PTBP2: variants seen among roughly 807,000 people sequenced by gnomAD.
PTBP2 encodes the protein polypyrimidine tract binding protein 2, also known as polypyrimidine tract-binding protein 2.
Under a neutral mutation model 61.4 loss-of-function variants are expected in PTBP2, and 13 were observed. That is an observed-to-expected ratio of 0.21 (90% CI 0.14 to 0.34). The LOEUF is 0.34. Among genes scored for constraint, PTBP2 ranks in the 10% least tolerant of loss-of-function variants. PTBP2 has a pLI of 1.00. For missense variants in PTBP2, 405 were observed against 642.6 expected (o/e 0.63, Z 4.00); for synonymous variants, 215 against 218.5 (o/e 0.98, Z 0.14).
chr1:96,771,102 G>A lies in PTBP2; in HGVS notation c.432+251G>A, dbSNP rs1267354670. 8 of 295,416 alleles carry A rather than the reference G, an allele frequency of 2.7e-5. No individual in the cohort carries two copies. In the Admixed American group the frequency reaches 3.9e-4, roughly 15 times the overall value. The allele number at this position is 295,416 out of a possible 1,614,324, so 18.3% of individuals were successfully genotyped here. On this transcript the variant is annotated intron_variant, in intron 5 of 13. Coordinates refer to ENST00000674951, the MANE Select transcript of PTBP2 (RefSeq NM_021190.4). ...TTTTGTGTAGAAACTTATCAGGTAG[G>A]ATTTATTATTAGCATAAACTGTTTA...
intron 1 of PTBP2, among the ~76,000 whole-genome samples, chr1:96,722,379 G>A (rs1023677794): frequency 2.0e-4 from 30 of 151,970 alleles, no homozygotes; most frequent in African/African-American, 6.8e-4. Context: ...CCGGCCCTCC[G>A]TGGTCGGGAG....
intron 2 of PTBP2, among the ~76,000 whole-genome samples, chr1:96,726,074 C>CAAAAAAAAAAAA (rs762152365): frequency 2.4e-4 from 13 of 54,216 alleles, no homozygotes; most frequent in Admixed American, 5.6e-4. Flanking sequence ...GACTCTATCT[C>CAAAAAAAAAAAA]AAAAAAAAAA....
At chr1:96,748,475 G>A (rs1654131527) in intron 2 of PTBP2, among the ~76,000 whole-genome samples, 1 of 152,004 alleles carries the variant, frequency 6.6e-6, no homozygotes, top group Non-Finnish European at 1.5e-5. Flanking sequence ...CGTGTAGAGT[G>A]TATCTTCCTA....
chr1:96,763,588 C>T (rs984976958), intron 3 of PTBP2, among the ~76,000 whole-genome samples: 129 of 40,436 alleles, frequency 3.2e-3, no homozygotes, highest in Non-Finnish European at 4.2e-3. Context: ...GAGAGGGAGA[C>T]CGTGGGGAGA....
intron 2 of PTBP2, among the ~76,000 whole-genome samples, chr1:96,750,512 T>C (rs1570782465): frequency 6.6e-6 from 1 of 152,068 alleles, no homozygotes; most frequent in Non-Finnish European, 1.5e-5. Flanking sequence ...AGTTTATTCA[T>C]TATGAGTTTA....
intron 3 of PTBP2, 141 bp downstream of exon 3, chr1:96,751,641 T>C (rs771502159): frequency 5.2e-6 from 3 of 582,336 alleles, no homozygotes; most frequent in Non-Finnish European, 9.0e-6. Context: ...TTTACTAAAG[T>C]ATATATGAGC....
At chr1:96,752,796 A>G (rs1654723481) in intron 3 of PTBP2, among the ~76,000 whole-genome samples, 1 of 152,160 alleles carries the variant, frequency 6.6e-6, no homozygotes, top group Non-Finnish European at 1.5e-5. Flanking sequence ...CCAAAACCAA[A>G]AAGTATGTAA....
intron 11 of PTBP2, among the ~76,000 whole-genome samples, chr1:96,807,628 G>A (rs1030054802): frequency 6.6e-6 from 1 of 152,196 alleles, no homozygotes; most frequent in African/African-American, 2.4e-5. Context: ...GCCTCAGACT[G>A]ATTGTATTCA....
rs1375417426 is a variant in PTBP2 at position 96,721,821 on chromosome 1, T to C, written c.-44T>C. On this transcript the variant is annotated 5_prime_UTR_variant, in exon 1 of 14. Transcript: ENST00000674951. Reference sequence around the variant, plus strand: ...CTCGCCGCTTGTGTGGCTCGCTGGCTGCGTGGCTCGGTTCTTGTGAGCGAA... The same window carrying C: ...CTCGCCGCTTGTGTGGCTCGCTGGCCGCGTGGCTCGGTTCTTGTGAGCGAA... 6.4e-7 allele frequency: 1 copy of C among 1,554,982 alleles called. No homozygotes were observed. Among genetic ancestry groups the C allele is most frequent in the Non-Finnish European group, 8.7e-7 (1 of 1,148,924 alleles).
intron 5 of PTBP2, among the ~76,000 whole-genome samples, chr1:96,774,161 G>A (rs1437574313): frequency 6.6e-6 from 1 of 151,744 alleles, no homozygotes; most frequent in African/African-American, 2.4e-5. Context: ...CTTTAAGGGA[G>A]ATTTGTTGTT....
At chr1:96,789,316 A>G (rs1659541034) in intron 8 of PTBP2, among the ~76,000 whole-genome samples, 1 of 152,086 alleles carries the variant, frequency 6.6e-6, no homozygotes, top group Non-Finnish European at 1.5e-5. Context: ...AACAGATACA[A>G]CATTTATTCA....
At chr1:96,735,875 G>T (rs1570722655) in intron 2 of PTBP2, among the ~76,000 whole-genome samples, 1 of 152,118 alleles carries the variant, frequency 6.6e-6, no homozygotes, top group South Asian at 2.1e-4. Context: ...TGAGCTATAT[G>T]AGTTCTTAGA....
intron 3 of PTBP2, among the ~76,000 whole-genome samples, chr1:96,757,236 C>T (rs919215553): frequency 6.6e-6 from 1 of 152,118 alleles, no homozygotes; most frequent in Non-Finnish European, 1.5e-5. Context: ...GTAGAAATAT[C>T]AAGATGCAGG....
rs1034567800 is a variant in PTBP2, at chr1:96,804,671, C to G, written c.905-129C>G. The G allele has an allele frequency of 5.7e-6, 5 of 880,794 alleles. No homozygotes were observed. The African/African-American group carries it at 8.3e-5, about 15-fold the overall frequency. The allele number at this position is 880,794 out of a possible 1,614,324, so 54.6% of individuals were successfully genotyped here. A position where few individuals can be genotyped will look rare whatever the true frequency, so the allele number is the denominator to read the frequency against. On this transcript the variant is annotated intron_variant, in intron 8 of 13. Transcript: ENST00000674951. ...TTTTTCTAAACACTATAAAAATTAA[C>G]TTTCAGGAACCATTTGGAATGGTCA...
chr1:96,815,609 A>G (rs542435340), downstream of PTBP2: 7 of 152,186 alleles, frequency 4.6e-5, no homozygotes, highest in Admixed American at 3.3e-4. Flanking sequence ...GTTCTGTTAT[A>G]AAATATCCCA....
intron 10 of PTBP2, 48 bp from the exon 11 acceptor site, chr1:96,806,818 A>G: frequency 7.1e-7 from 1 of 1,415,018 alleles, no homozygotes; most frequent in Non-Finnish European, 9.9e-7. Flanking sequence ...TGACTTCCAC[A>G]TAAAATTAAT....
chr1:96,800,458 G>A (rs1660869861), intron 8 of PTBP2, among the ~76,000 whole-genome samples: 1 of 147,614 alleles, frequency 6.8e-6, no homozygotes. Flanking sequence ...TAGACCAGGT[G>A]TTGTGGCTCA....
intron 2 of PTBP2, among the ~76,000 whole-genome samples, chr1:96,742,077 T>G (rs1016432184): frequency 6.6e-6 from 1 of 152,226 alleles, no homozygotes; most frequent in African/African-American, 2.4e-5. Flanking sequence ...TTTGGCTAAG[T>G]TCTGTGAAGG....
At chr1:96,728,560 G>A (rs956502148) in intron 2 of PTBP2, among the ~76,000 whole-genome samples, 3 of 152,066 alleles carry the variant, frequency 2.0e-5, no homozygotes, top group Non-Finnish European at 4.4e-5. Flanking sequence ...TCTAGATGCT[G>A]GAAACATACT....
Sources: allele counts gnomAD v4.1 joint callset (sites outside exome capture counted in the v4.1 genomes callset), GRCh38; gene constraint gnomAD v4.1.1; transcripts MANE v1.5; gene names NCBI Gene and HGNC (gene_info 2026-07-23, HGNC 2026-07-21).